ZSWIM9: variants seen among roughly 807,000 people sequenced by gnomAD.
The protein encoded by ZSWIM9 is zinc finger SWIM-type containing 9.
In ZSWIM9, 11 loss-of-function variants were observed where a neutral mutation model predicts 25.0. The observed-to-expected ratio is 0.44, with a 90% confidence interval of 0.28 to 0.73. The LOEUF is 0.73. Ranked by LOEUF, ZSWIM9 falls within the 30% of genes least tolerant of loss-of-function variation. ZSWIM9 has a pLI of 0.16. For missense variants in ZSWIM9, 1,070 were observed against 1,296.5 expected (o/e 0.83, Z 2.68); for synonymous variants, 562 against 582.1 (o/e 0.97, Z 0.50).
At chr19:48,178,445 G>C (rs575399567) in intron 2 of ZSWIM9, among the ~76,000 whole-genome samples, 1 of 152,082 alleles carries the variant, frequency 6.6e-6, no homozygotes, top group Non-Finnish European at 1.5e-5. Context: ...GGGCTTTTAG[G>C]GGGTGTGTTA....
At position 48,194,101 on chromosome 19, in the gene ZSWIM9, G is replaced by C. The variant is rs949803905; in HGVS notation, c.589-552G>C. 6.6e-6 allele frequency among the ~76,000 whole-genome samples: 1 copy of C among 152,184 alleles called. No homozygotes were observed. The highest frequency in any genetic ancestry group is 2.4e-5 in the African/African-American group (1 of 41,454). ...TTGGGGGTGGGACTCAAAGCTAAAT[G>C]ATCTGCCTCCACAATCTAAGCTCAT... On this transcript the variant is annotated intron_variant, in intron 3 of 3. Coordinates refer to ENST00000614654, the MANE Select transcript of ZSWIM9 (RefSeq NM_199341.4). This position sits in a 1 kb window ranked among gnomAD's most constrained non-coding sequence, Gnocchi z 6.0.
In ZSWIM9 at chr19:48,197,598, G is replaced by C. The variant is rs951270511; in HGVS notation, c.*771G>C. The C allele has an allele frequency of 3.5e-5, 11 of 314,998 alleles. No homozygotes were observed. In the East Asian group the frequency reaches 6.7e-4, roughly 19 times the overall value. 19.5% of individuals were successfully genotyped at this position (314,998 alleles called of 1,614,324 possible). The stretch of plus-strand genomic sequence containing the variant: ...GTTTGGACTATTGTTCTTCAGGATT[G>C]GAATAAAACAATCTTATTTTGGTTT... On this transcript the variant is annotated 3_prime_UTR_variant, in exon 4 of 4. Coordinates refer to ENST00000614654, the MANE Select transcript of ZSWIM9 (RefSeq NM_199341.4).
chr19:48,185,403 G>A (rs1181054977), intron 3 of ZSWIM9, among the ~76,000 whole-genome samples: 1 of 152,180 alleles, frequency 6.6e-6, no homozygotes, highest in Non-Finnish European at 1.5e-5. Context: ...CCAAAGTGCT[G>A]GGATTACAGG....
chr19:48,196,042 G>T lies in ZSWIM9; in HGVS notation c.1978G>T (p.Val660Phe). Residue 660 changes from valine (V) to phenylalanine (F), a missense_variant, in exon 4 of 4, where the codon GTC becomes TTC. Around this residue, in one of 4 missense-constraint regions of ZSWIM9, gnomAD observed 583 missense variants for 624.7 expected, o/e 0.93. Coordinates refer to ENST00000614654, the MANE Select transcript of ZSWIM9 (RefSeq NM_199341.4). ...SEVEKGRGLE[V>F]RNLRGIPLEK... ...AGTAGAGAAGGGGAGGGGGCTGGAG[G>T]TCAGAAACTTGAGGGGGATCCCCTT... 1.6e-6 allele frequency: 2 copies of T among 1,262,622 alleles called. No homozygotes were observed. Among genetic ancestry groups the T allele is most frequent in the Non-Finnish European group, 2.0e-6 (2 of 1,006,170 alleles). 78.2% of individuals were successfully genotyped at this position (1,262,622 alleles called of 1,614,324 possible). A position where few individuals can be genotyped will look rare whatever the true frequency, so the allele number is the denominator to read the frequency against.
chr19:48,187,977 T>TAGACAGACAGACAGAC (rs1568580220), intron 3 of ZSWIM9, among the ~76,000 whole-genome samples: 1 of 148,504 alleles, frequency 6.7e-6, no homozygotes, highest in African/African-American at 2.6e-5. Context: ...GATAGATAGA[T>TAGACAGACAGACAGAC]AGATAGATAG....
At position 48,194,905 on chromosome 19, in the gene ZSWIM9, A is replaced by G. The variant is rs1222695470; in HGVS notation, c.841A>G (p.Ser281Gly). 7.6e-7 allele frequency: 1 copy of G among 1,308,660 alleles called. No individual in the cohort carries two copies. The highest frequency in any genetic ancestry group is 9.7e-7 in the Non-Finnish European group (1 of 1,031,666). 81.1% of individuals were successfully genotyped at this position (1,308,660 alleles called of 1,614,324 possible). Residue 281 changes from serine to glycine, a missense_variant, in exon 4 of 4, where the codon AGC becomes GGC. Ser to Gly is a moderately conservative substitution (Grantham distance 56). This residue lies in a region of ZSWIM9 where 184 missense variants were observed against 243.1 expected (regional missense o/e 0.76). Transcript: ENST00000614654. This position sits in a 1 kb window ranked among gnomAD's most constrained non-coding sequence, Gnocchi z 6.0. ...LRFALASLLQ[S>G]APDVKGRVRC... ...CTTCGCGCTCGCGTCGCTGCTGCAG[A>G]GCGCGCCAGACGTCAAGGGCCGCGT...
Position 48,194,406 on chromosome 19 carries a change from T to C in ZSWIM9, c.589-247T>C, listed in dbSNP as rs1454467876. Among the ~76,000 whole-genome samples the C allele has an allele frequency of 2.0e-5, 3 of 152,192 alleles. No homozygotes were observed. Among genetic ancestry groups the C allele is most frequent in the Non-Finnish European group, 1.5e-5 (1 of 68,028 alleles). ...AGGCTCAGAGAAGCTAAAAGTGTCA[T>C]GTGGAAAAAATCACATAGCCGTTAG... On this transcript the variant is annotated intron_variant, in intron 3 of 3. Coordinates refer to ENST00000614654, the MANE Select transcript of ZSWIM9 (RefSeq NM_199341.4). The surrounding 1 kb of genome is among the most constrained non-coding windows in gnomAD (Gnocchi z 6.0).
At chr19:48,193,874 C>T (rs1453945200) in intron 3 of ZSWIM9, among the ~76,000 whole-genome samples, 1 of 152,176 alleles carries the variant, frequency 6.6e-6, no homozygotes, top group Non-Finnish European at 1.5e-5. Flanking sequence ...GGGAAGTTGG[C>T]AGAAGGCACA....
Position 48,195,600 on chromosome 19 carries a change from T to C in ZSWIM9, c.1536T>C (p.Gly512=), listed in dbSNP as rs2037151622. The change falls in exon 4 of 4, where the codon GGT becomes GGC. Residue 512 remains glycine (G), a synonymous_variant. Coordinates refer to ENST00000614654, the MANE Select transcript of ZSWIM9 (RefSeq NM_199341.4). This position sits in a 1 kb window ranked among gnomAD's most constrained non-coding sequence, Gnocchi z 5.8. ...TRDWGGAQFE[G]EKGRALQIRD... Reference sequence around the variant, plus strand: ...ACTGGGGCGGGGCTCAGTTCGAAGGTGAGAAGGGGAGGGCACTGCAGATCA... The same window carrying C: ...ACTGGGGCGGGGCTCAGTTCGAAGGCGAGAAGGGGAGGGCACTGCAGATCA... 1.4e-6 allele frequency: 2 copies of C among 1,411,840 alleles called. No homozygotes were observed. The highest frequency in any genetic ancestry group is 1.8e-6 in the Non-Finnish European group (2 of 1,089,038). 87.5% of individuals were successfully genotyped at this position (1,411,840 alleles called of 1,614,324 possible).
At position 48,195,918 on chromosome 19, in the gene ZSWIM9, G is replaced by A; in HGVS notation, c.1854G>A (p.Arg618=). ...DLRGTQFDYE[R]VRSLEGSPWR... The stretch of plus-strand genomic sequence containing the variant: ...GGGGGACCCAGTTTGACTATGAGAG[G>A]GTCAGGAGTCTTGAAGGAAGCCCCT... The change falls in exon 4 of 4, where the codon AGG becomes AGA. Residue 618 remains arginine, a synonymous_variant. Coordinates refer to ENST00000614654, the MANE Select transcript of ZSWIM9 (RefSeq NM_199341.4). This position sits in a 1 kb window ranked among gnomAD's most constrained non-coding sequence, Gnocchi z 5.8. The A allele has an allele frequency of 7.3e-7, 1 of 1,365,814 alleles. No homozygotes were observed. Among genetic ancestry groups the A allele is most frequent in the Non-Finnish European group, 9.4e-7 (1 of 1,064,376 alleles). 84.6% of individuals were successfully genotyped at this position (1,365,814 alleles called of 1,614,324 possible).
chr19:48,182,790 C>T lies in ZSWIM9; in HGVS notation c.588+23C>T. On this transcript the variant is annotated intron_variant, in intron 3 of 3. Coordinates refer to ENST00000614654, the MANE Select transcript of ZSWIM9 (RefSeq NM_199341.4). The surrounding 1 kb of genome is among the most constrained non-coding windows in gnomAD (Gnocchi z 4.6). ...AAGGTGGGGTCTCGAGAGAGGCAGG[C>T]CGGGGGAGGGGGCGGGGGAAAGCCG... is the stretch of plus-strand genomic sequence containing the variant. 1 of 1,502,810 alleles carries T rather than the reference C, an allele frequency of 6.7e-7. No individual in the cohort carries two copies. Among genetic ancestry groups the T allele is most frequent in the African/African-American group, 1.4e-5 (1 of 72,492 alleles). The allele number at this position is 1,502,810 out of a possible 1,614,324, so 93.1% of individuals were successfully genotyped here. A position where few individuals can be genotyped will look rare whatever the true frequency, so the allele number is the denominator to read the frequency against.
Position 48,182,144 on chromosome 19 carries a change from G to A in ZSWIM9, c.276-311G>A. 1 of 363,412 alleles carries A rather than the reference G, an allele frequency of 2.8e-6. No individual in the cohort carries two copies. The highest frequency in any genetic ancestry group is 4.9e-6 in the Non-Finnish European group (1 of 202,178). 22.5% of individuals were successfully genotyped at this position (363,412 alleles called of 1,614,324 possible). ...TAAGGGTGGTAGGTATAGAATTTTAGTGAACACTTACTGCTTGCCATATTC... is the reference window on the plus strand; with the variant it reads ...TAAGGGTGGTAGGTATAGAATTTTAATGAACACTTACTGCTTGCCATATTC... On this transcript the variant is annotated intron_variant, in intron 2 of 3. Coordinates refer to ENST00000614654, the MANE Select transcript of ZSWIM9 (RefSeq NM_199341.4). This position sits in a 1 kb window ranked among gnomAD's most constrained non-coding sequence, Gnocchi z 4.6.
chr19:48,177,458 T>G (rs781743813), intron 2 of ZSWIM9, among the ~76,000 whole-genome samples: 8 of 152,068 alleles, frequency 5.3e-5, no homozygotes, highest in Non-Finnish European at 1.0e-4. Context: ...ATAAACAAAA[T>G]AGACAAAAAT....
rs1374608005 is a variant in ZSWIM9, at chr19:48,196,805, G to A, written c.2741G>A (p.Trp914Ter). 11 of 1,236,256 alleles carry A rather than the reference G, an allele frequency of 8.9e-6. No individual in the cohort carries two copies. Among genetic ancestry groups the A allele is most frequent in the African/African-American group, 3.1e-5 (2 of 64,476 alleles). The allele number at this position is 1,236,256 out of a possible 1,614,324, so 76.6% of individuals were successfully genotyped here. A position where few individuals can be genotyped will look rare whatever the true frequency, so the allele number is the denominator to read the frequency against. ...LFHMDLLRDC[W>*]GRAPEP ...CACATGGACCTGCTCAGGGATTGCTGGGGGAGAGCCCCAGAGCCCTGACCC... is the reference window on the plus strand; with the variant it reads ...CACATGGACCTGCTCAGGGATTGCTAGGGGAGAGCCCCAGAGCCCTGACCC... Residue 914 changes from tryptophan (W) to a stop codon, truncating the protein, a stop_gained, in exon 4 of 4, where the codon TGG (tryptophan) becomes TAG (stop). Coordinates refer to ENST00000614654, the MANE Select transcript of ZSWIM9 (RefSeq NM_199341.4). LOFTEE classifies it high-confidence loss of function.
intron 3 of ZSWIM9, among the ~76,000 whole-genome samples, chr19:48,188,607 C>T (rs772968041): frequency 7.9e-5 from 12 of 152,298 alleles, no homozygotes; most frequent in Non-Finnish European, 1.2e-4. Flanking sequence ...TCACTTGTGG[C>T]AGGCACCAGG....
In ZSWIM9 at chr19:48,195,234, C is replaced by T. The variant is rs1357865036; in HGVS notation, c.1170C>T (p.Arg390=). The T allele has an allele frequency of 1.3e-6, 2 of 1,528,984 alleles. No individual in the cohort carries two copies. Among genetic ancestry groups the T allele is most frequent in the African/African-American group, 2.8e-5 (2 of 72,610 alleles). The allele number at this position is 1,528,984 out of a possible 1,614,324, so 94.7% of individuals were successfully genotyped here. A position where few individuals can be genotyped will look rare whatever the true frequency, so the allele number is the denominator to read the frequency against. The change falls in exon 4 of 4, where the codon CGC becomes CGT. Residue 390 remains arginine, a synonymous_variant. Transcript: ENST00000614654. This position sits in a 1 kb window ranked among gnomAD's most constrained non-coding sequence, Gnocchi z 5.8. Reference sequence around the variant, plus strand: ...AGCCCCGCCGCGACATGTGGGTCCGCTTCCGCGCCTTCGAGGCGGCCAGAG... The same window carrying T: ...AGCCCCGCCGCGACATGTGGGTCCGTTTCCGCGCCTTCGAGGCGGCCAGAG... ...NWEPRRDMWV[R]FRAFEAARDL...
At position 48,196,116 on chromosome 19, in the gene ZSWIM9, C is replaced by G. The variant is rs1269362037; in HGVS notation, c.2052C>G (p.Pro684=). The change falls in exon 4 of 4, where the codon CCC becomes CCG. Residue 684 remains proline (P), a synonymous_variant. Coordinates refer to ENST00000614654, the MANE Select transcript of ZSWIM9 (RefSeq NM_199341.4). ...CTGAGAACGGAGACCAAAGGGGACCCCAGTGGGAAGATGAGAGGAGGAGAG... is the reference window on the plus strand; with the variant it reads ...CTGAGAACGGAGACCAAAGGGGACCGCAGTGGGAAGATGAGAGGAGGAGAG... The part of the protein sequence containing the change: ...LAPENGDQRG[P]QWEDERRRGP... 16 of 1,239,650 alleles carry G rather than the reference C, an allele frequency of 1.3e-5. No individual in the cohort carries two copies. Among genetic ancestry groups the G allele is most frequent in the Non-Finnish European group, 1.6e-5 (16 of 993,478 alleles). 76.8% of individuals were successfully genotyped at this position (1,239,650 alleles called of 1,614,324 possible). A position where few individuals can be genotyped will look rare whatever the true frequency, so the allele number is the denominator to read the frequency against.
At chr19:48,180,212 C>G (rs2036933564) in intron 2 of ZSWIM9, among the ~76,000 whole-genome samples, 1 of 152,160 alleles carries the variant, frequency 6.6e-6, no homozygotes, top group Non-Finnish European at 1.5e-5. Flanking sequence ...GACCGCGTTT[C>G]TCCATGTTGG....
intron 2 of ZSWIM9, 51 bp downstream of exon 2, chr19:48,172,128 GT>G: frequency 3.7e-6 from 5 of 1,350,714 alleles, no homozygotes; most frequent in Non-Finnish European, 5.0e-6. Context: ...AGCACCGGGG[GT>G]GGGTGTGGGT....
Sources: allele counts gnomAD v4.1 joint callset (sites outside exome capture counted in the v4.1 genomes callset), GRCh38; gene constraint gnomAD v4.1.1; regional missense constraint gnomAD v4.1.1; non-coding constraint Gnocchi (gnomAD v3.1); transcripts MANE v1.5; gene names NCBI Gene and HGNC (gene_info 2026-07-23, HGNC 2026-07-21).